Variants in CLEC16A observed in about 807,000 individuals in gnomAD.
The protein encoded by CLEC16A is C-type lectin domain containing 16A.
CLEC16A carries 51 observed loss-of-function variants against 109.5 expected under a neutral mutation model. The observed-to-expected ratio is 0.47, with a 90% CI of 0.37 to 0.59. The LOEUF is 0.59. Ranked by LOEUF, CLEC16A falls within the 20% of genes least tolerant of loss-of-function variation. CLEC16A has a pLI of 0.00. For synonymous variants in CLEC16A, 673 were observed against 564.2 expected, an observed-to-expected ratio of 1.19 and a Z score of -2.73; for missense variants, 1,339 against 1,394.0, an observed-to-expected ratio of 0.96 and a Z score of 0.63.
At chr16:11,168,449 G>T (rs2068365589) in intron 23 of CLEC16A, among the ~76,000 whole-genome samples, 1 of 152,244 alleles carries the variant, frequency 6.6e-6, no homozygotes, top group Admixed American at 6.5e-5. Context: ...AGACAAGTGT[G>T]TAGGTCCCCA....
chr16:10,956,945 C>T (rs948581800), intron 1 of CLEC16A, among the ~76,000 whole-genome samples: 4 of 152,092 alleles, frequency 2.6e-5, no homozygotes, highest in African/African-American at 7.2e-5. Context: ...TTACAGACTT[C>T]GCCACCACAC....
chr16:11,110,528 C>T (rs2051514225), intron 19 of CLEC16A, among the ~76,000 whole-genome samples: 1 of 147,010 alleles, frequency 6.8e-6, no homozygotes, highest in South Asian at 2.2e-4. Flanking sequence ...TGAAGAGACT[C>T]ATTTAGTCAA....
At chr16:11,008,210 A>G (rs1247044144) in intron 11 of CLEC16A, among the ~76,000 whole-genome samples, 1 of 152,108 alleles carries the variant, frequency 6.6e-6, no homozygotes, top group African/African-American at 2.4e-5. Flanking sequence ...TGAAGGTCTT[A>G]TTCCCCTCTT....
Position 10,954,791 on chromosome 16 carries a change from C to A in CLEC16A, c.81-2991C>A, listed in dbSNP as rs1208930571. Among the ~76,000 whole-genome samples the A allele has an allele frequency of 6.6e-6, 1 of 152,220 alleles. No homozygotes were observed. The highest frequency in any genetic ancestry group is 1.5e-5 in the Non-Finnish European group (1 of 68,030). ...CTGCTCTGGTTTCGCTGAACCTTCC[C>A]ATCACGACTCCTGCCCTGAAGCCCT... On this transcript the variant is annotated intron_variant, in intron 1 of 23. Coordinates refer to ENST00000409790, the MANE Select transcript of CLEC16A (RefSeq NM_015226.3). The surrounding 1 kb of genome is among the most constrained non-coding windows in gnomAD (Gnocchi z 4.2).
At chr16:10,972,351 C>G (rs1374713438) in intron 5 of CLEC16A, 1 of 579,840 alleles carries the variant, frequency 1.7e-6, no homozygotes, top group Non-Finnish European at 3.1e-6. Context: ...GATTGTGACC[C>G]TGGTCCAAGC....
Position 11,061,141 on chromosome 16 carries a change from T to G in CLEC16A, c.2116+119T>G, listed in dbSNP as rs2286972. On this transcript the variant is annotated intron_variant, in intron 19 of 23. Coordinates refer to ENST00000409790, the MANE Select transcript of CLEC16A (RefSeq NM_015226.3). ...GTGCAACCTACATTTTGTACTATTA[T>G]TGAGCTGTGACCTTGAGCCAGCGGT... The G allele has an allele frequency of 0.14, 170,247 of 1,213,328 alleles. 14,157 individuals are homozygous for G. The highest frequency in any genetic ancestry group is 0.37 in the African/African-American group (23,775 of 64,208). The allele number at this position is 1,213,328 out of a possible 1,614,324, so 75.2% of individuals were successfully genotyped here.
rs1200372037 is a variant in CLEC16A at position 11,174,233 on chromosome 16, C to A, written c.2807-4102C>A. ...GTCATGGCGGCCACTGGGTTTAGTG[C>A]TCCGAACGGCAGCTGCCACGGCACC... On this transcript the variant is annotated intron_variant, in intron 23 of 23. Transcript: ENST00000409790. The surrounding 1 kb of genome is among the most constrained non-coding windows in gnomAD (Gnocchi z 4.7). The A allele has an allele frequency of 2.1e-6, 1 of 468,068 alleles. No individual in the cohort carries two copies. Among genetic ancestry groups the A allele is most frequent in the Non-Finnish European group, 4.4e-6 (1 of 226,934 alleles). 29.0% of individuals were successfully genotyped at this position (468,068 alleles called of 1,614,324 possible). A position where few individuals can be genotyped will look rare whatever the true frequency, so the allele number is the denominator to read the frequency against.
chr16:11,060,172 T>C (rs541684748), intron 18 of CLEC16A, among the ~76,000 whole-genome samples: 3 of 152,336 alleles, frequency 2.0e-5, no homozygotes, highest in Non-Finnish European at 4.4e-5. Context: ...ATCCCTGTGC[T>C]GGTGGATCCA....
intron 18 of CLEC16A, chr16:11,057,006 T>A (rs1005249278): frequency 2.0e-5 from 3 of 152,260 alleles, no homozygotes; most frequent in Admixed American, 6.5e-5. Flanking sequence ...CAGTATTACA[T>A]TATTTTCAAC....
At chr16:11,071,857 A>G (rs1234495224) in intron 19 of CLEC16A, among the ~76,000 whole-genome samples, 1 of 147,472 alleles carries the variant, frequency 6.8e-6, no homozygotes, top group Non-Finnish European at 1.5e-5. Flanking sequence ...CCTCCTAAGT[A>G]GCTGGGACTA....
chr16:10,964,932 G>T (rs965682836), intron 3 of CLEC16A, among the ~76,000 whole-genome samples: 3 of 152,200 alleles, frequency 2.0e-5, no homozygotes, highest in Non-Finnish European at 4.4e-5. Context: ...TCTGTTAGCA[G>T]ATTTCAAGTC....
At chr16:11,157,013 A>C in intron 22 of CLEC16A, 1 of 1,249,852 alleles carries the variant, frequency 8.0e-7, no homozygotes, top group South Asian at 1.3e-5. Flanking sequence ...AAACATTTCT[A>C]AGGGCACAAT....
At chr16:10,979,422 G>A (rs1423111445) in intron 9 of CLEC16A, 40 bp downstream of exon 9, 1 of 1,589,014 alleles carries the variant, frequency 6.3e-7, no homozygotes. Flanking sequence ...CTACATTTGG[G>A]GTCCCTTGGC....
In CLEC16A at chr16:10,944,638, G is replaced by C. The variant is rs2041244472; in HGVS notation, c.-80G>C. 5.8e-6 allele frequency: 8 copies of C among 1,377,396 alleles called. No individual in the cohort carries two copies. In the East Asian group the frequency reaches 2.0e-4, roughly 34 times the overall value. The allele number at this position is 1,377,396 out of a possible 1,614,324, so 85.3% of individuals were successfully genotyped here. The stretch of plus-strand genomic sequence containing the variant: ...GCCTCCGCCGCCGCATCCTCCGCTT[G>C]TGCTACCGCCGCGGGCGCTGGGCCG... On this transcript the variant is annotated 5_prime_UTR_variant, in exon 1 of 24. Transcript: ENST00000409790.
chr16:11,155,791 C>T (rs911980151), intron 22 of CLEC16A, among the ~76,000 whole-genome samples: 2 of 152,204 alleles, frequency 1.3e-5, no homozygotes, highest in African/African-American at 4.8e-5. Context: ...AACTACCCCA[C>T]CCTGCAAAGT....
At position 10,988,074 on chromosome 16, in the gene CLEC16A, C is replaced by T. The variant is rs546712139; in HGVS notation, c.1071+5083C>T. On this transcript the variant is annotated intron_variant, in intron 10 of 23. Transcript: ENST00000409790. ...CTAAAGGCTAATTCTTGCTATAATT[C>T]GAATGCAGAGCAGATAGTGTTTCTT... Among the ~76,000 whole-genome samples, 32 of 152,312 alleles carry T rather than the reference C, an allele frequency of 2.1e-4. No individual in the cohort carries two copies. In the Middle Eastern group the frequency reaches 0.01, roughly 49 times the overall value.
At chr16:11,016,996 G>A (rs1032676988) in intron 11 of CLEC16A, among the ~76,000 whole-genome samples, 5 of 114,292 alleles carry the variant, frequency 4.4e-5, no homozygotes, top group South Asian at 3.7e-4. Flanking sequence ...TGTGAATATC[G>A]GGGCGGGGGG....
At chr16:10,972,681 C>G in intron 6 of CLEC16A, 122 bp downstream of exon 6, 1 of 931,048 alleles carries the variant, frequency 1.1e-6, no homozygotes, top group Non-Finnish European at 1.7e-6. Context: ...AGTAGGCTCT[C>G]CCATGCACCA....
At chr16:11,119,883 G>A (rs892443257) in intron 19 of CLEC16A, among the ~76,000 whole-genome samples, 1 of 152,142 alleles carries the variant, frequency 6.6e-6, no homozygotes, top group Non-Finnish European at 1.5e-5. Flanking sequence ...ATCCATGAGC[G>A]TTGGATGTTT....
Sources: allele counts gnomAD v4.1 joint callset (sites outside exome capture counted in the v4.1 genomes callset), GRCh38; gene constraint gnomAD v4.1.1; non-coding constraint Gnocchi (gnomAD v3.1); transcripts MANE v1.5; gene names NCBI Gene and HGNC (gene_info 2026-07-23, HGNC 2026-07-21).